Variants in HSPG2 observed in about 807,000 individuals in gnomAD.
HSPG2 encodes the protein basement membrane-specific heparan sulfate proteoglycan core protein.
Under a neutral mutation model 526.6 loss-of-function variants are expected in HSPG2, and 278 were observed. The ratio of observed to expected loss-of-function variants is 0.53; its 90% CI spans 0.48 to 0.58. The LOEUF (loss-of-function observed/expected upper bound fraction) is 0.58. Among genes scored for constraint, HSPG2 ranks in the 20% least tolerant of loss-of-function variants. The probability of loss-of-function intolerance (pLI) is 0.00; values close to 1 mark genes in which losing one functional copy is unlikely to be tolerated. For synonymous variants in HSPG2, 2,465 were observed against 2,555.4 expected (o/e 0.96, Z 1.07); for missense variants, 5,354 against 6,099.5 (o/e 0.88, Z 4.07).
At chr1:21,832,872 C>T in intron 80 of HSPG2, 2 of 580,800 alleles carry the variant, frequency 3.4e-6, no homozygotes, top group South Asian at 2.1e-5. Flanking sequence ...GGCAGAGACT[C>T]ACCCGAGTAG....
rs866719632 is a variant in HSPG2 at position 21,896,222 on chromosome 1, G to A, written c.152C>T (p.Ser51Leu). 9.3e-6 allele frequency: 15 copies of A among 1,613,916 alleles called. No individual in the cohort carries two copies. The highest frequency in any genetic ancestry group is 8.8e-5 in the South Asian group (8 of 91,064). ...CATGTCCTCATCATCAGAAAGGTAC[G>A]AATGTGTCCAGCGCATTTGGCTTGC... ...VTASQMRWTH[S>L]YLSDDEDMLA... The change falls in exon 2 of 97, where the codon TCG becomes TTG. Residue 51 changes from serine to leucine, a missense_variant. Coordinates refer to ENST00000374695, the MANE Select transcript of HSPG2 (RefSeq NM_005529.7).
chr1:21,858,699 T>C lies in HSPG2; in HGVS notation c.5293+867A>G, dbSNP rs976400387. ...ACCCCCCGTGCCCACCTGCCTGACT[T>C]CTGCCAGCCACTGCACTTCTTTGCA... is the stretch of plus-strand genomic sequence containing the variant. On this transcript the variant is annotated intron_variant, in intron 42 of 96. Coordinates refer to ENST00000374695, the MANE Select transcript of HSPG2 (RefSeq NM_005529.7). This position sits in a 1 kb window ranked among gnomAD's most constrained non-coding sequence, Gnocchi z 4.2. Among the ~76,000 whole-genome samples, 8 of 152,234 alleles carry C rather than the reference T, an allele frequency of 5.3e-5. No individual in the cohort carries two copies. The highest frequency in any genetic ancestry group is 2.6e-4 in the Admixed American group (4 of 15,284).
At chr1:21,834,081 C>T (rs995051187) in intron 77 of HSPG2, among the ~76,000 whole-genome samples, 156 bp from the exon 78 acceptor site, 4 of 152,198 alleles carry the variant, frequency 2.6e-5, no homozygotes, top group Admixed American at 6.5e-5. Context: ...AGGGGAAAAG[C>T]GGCTGTTTGC....
At position 21,836,908 on chromosome 1, in the gene HSPG2, C is replaced by T. The variant is rs369282867; in HGVS notation, c.10249G>A (p.Val3417Ile). The change falls in exon 75 of 97, where the codon GTT (valine) becomes ATT (isoleucine). Residue 3417 changes from valine (V) to isoleucine (I), a missense_variant. Physicochemically the swap from Val to Ile is conservative, Grantham distance 29 (BLOSUM62 3). Coordinates refer to ENST00000374695, the MANE Select transcript of HSPG2 (RefSeq NM_005529.7). ...CTGGGCACAGCACAGTGGAACTCAACGCTGGCCCCAATGCTCTTGGTCTCT... is the reference window on the plus strand; with the variant it reads ...CTGGGCACAGCACAGTGGAACTCAATGCTGGCCCCAATGCTCTTGGTCTCT... ...QLETKSIGAS[V>I]EFHCAVPSDR... 1.7e-5 allele frequency: 27 copies of T among 1,562,752 alleles called. No individual in the cohort carries two copies. The highest frequency in any genetic ancestry group is 4.8e-5 in the East Asian group (2 of 41,884).
In HSPG2 at chr1:21,844,208, C is replaced by A. The variant is rs757234038; in HGVS notation, c.8556G>T (p.Gly2852=). 1.5e-5 allele frequency: 25 copies of A among 1,613,674 alleles called. No individual in the cohort carries two copies. Among genetic ancestry groups the A allele is most frequent in the Non-Finnish European group, 8.5e-6 (10 of 1,180,032 alleles). ...GCCACGTGACCTGGGCGTGGGCCTG[C>A]CCGGGCACCACGCACTTCAGATCCA... is the stretch of plus-strand genomic sequence containing the variant. ...QTLDLKCVVP[G]QAHAQVTWHK... Residue 2852 remains glycine, a synonymous_variant, in exon 65 of 97, where the codon GGG becomes GGT. Coordinates refer to ENST00000374695, the MANE Select transcript of HSPG2 (RefSeq NM_005529.7).
intron 1 of HSPG2, among the ~76,000 whole-genome samples, chr1:21,901,857 G>A (rs759238584): frequency 8.5e-5 from 13 of 152,104 alleles, no homozygotes; most frequent in African/African-American, 1.4e-4. Flanking sequence ...CTGCCTCAGT[G>A]CCCCTTCCCC....
At chr1:21,827,533 T>G (rs2097981699) in intron 91 of HSPG2, among the ~76,000 whole-genome samples, 1 of 152,218 alleles carries the variant, frequency 6.6e-6, no homozygotes, top group Non-Finnish European at 1.5e-5. Flanking sequence ...CAGTAGACGG[T>G]GGAATTCTTG....
At chr1:21,919,753 G>A (rs770041285) in intron 1 of HSPG2, among the ~76,000 whole-genome samples, 1 of 152,192 alleles carries the variant, frequency 6.6e-6, no homozygotes, top group East Asian at 1.9e-4. Flanking sequence ...TTTCTGACAA[G>A]CTCCCAGTTG....
chr1:21,914,310 G>A (rs1216801238), intron 1 of HSPG2, among the ~76,000 whole-genome samples: 1 of 152,152 alleles, frequency 6.6e-6, no homozygotes, highest in African/African-American at 2.4e-5. Flanking sequence ...GGAGGGTGAT[G>A]CTGACAGAGC....
chr1:21,826,612 C>T (rs562436913), intron 91 of HSPG2, among the ~76,000 whole-genome samples: 8 of 151,972 alleles, frequency 5.3e-5, no homozygotes, highest in East Asian at 1.9e-4. Context: ...CAGGTTCAAG[C>T]GATTCTCCTG....
intron 91 of HSPG2, among the ~76,000 whole-genome samples, chr1:21,826,747 G>C (rs1208280030): frequency 1.3e-5 from 2 of 151,784 alleles, no homozygotes; most frequent in Non-Finnish European, 2.9e-5. Flanking sequence ...AACCTCAGGT[G>C]ATCTGCCCGC....
rs781013408 is a variant in HSPG2 at position 21,842,075 on chromosome 1, G to A, written c.9120C>T (p.Ser3040=). Reference sequence around the variant, plus strand: ...CCCCGTCATGGATGAGGCACTTGAAGCTGGCATCCTGGCCCTGCTGCACGG... The same window carrying A: ...CCCCGTCATGGATGAGGCACTTGAAACTGGCATCCTGGCCCTGCTGCACGG... The part of the protein sequence containing the change: ...SSTVQQGQDA[S]FKCLIHDGAA... Residue 3040 remains serine, a synonymous_variant, in exon 69 of 97, where the codon AGC becomes AGT. Transcript: ENST00000374695. 29 of 1,613,548 alleles carry A rather than the reference G, an allele frequency of 1.8e-5. No homozygotes were observed. The African/African-American group carries it at 3.1e-4, about 17-fold the overall frequency.
chr1:21,878,634 TC>T lies in HSPG2; in HGVS notation c.2500del (p.Asp834MetfsTer80). On this transcript the variant is annotated frameshift_variant, in exon 19 of 97. Coordinates refer to ENST00000374695, the MANE Select transcript of HSPG2 (RefSeq NM_005529.7). LOFTEE classifies it high-confidence loss of function. ...ACAGGCGTCACATGTGGCTTGGCCA[TC>T]CGTGTCCAGGAAGCAAGTGTCTGAG... ...RFSDTCFLDT[D>X]GQATCDACAP... 6.2e-7 allele frequency: 1 copy of T among 1,614,112 alleles called. No individual in the cohort carries two copies. The highest frequency in any genetic ancestry group is 8.5e-7 in the Non-Finnish European group (1 of 1,180,026).
At position 21,828,065 on chromosome 1, in the gene HSPG2, C is replaced by G; in HGVS notation, c.12497G>C (p.Cys4166Ser). The G allele has an allele frequency of 6.2e-7, 1 of 1,613,492 alleles. No individual in the cohort carries two copies. Among genetic ancestry groups the G allele is most frequent in the Non-Finnish European group, 8.5e-7 (1 of 1,179,984 alleles). The change falls in exon 90 of 97, where the codon TGC becomes TCC. Residue 4166 changes from cysteine (C) to serine (S), a missense_variant. Coordinates refer to ENST00000374695, the MANE Select transcript of HSPG2 (RefSeq NM_005529.7). The surrounding 1 kb of genome is among the most constrained non-coding windows in gnomAD (Gnocchi z 6.0). Reference protein sequence around the residue: ...GGTCQGTRCLCLPGFSGPRCQ... With the variant: ...GGTCQGTRCLSLPGFSGPRCQ... Reference sequence around the variant, plus strand: ...GCGTGGGCCAGAGAAGCCAGGGAGGCAGAGGCAGCGGGTGCCCTGGCAGGT... The same window carrying G: ...GCGTGGGCCAGAGAAGCCAGGGAGGGAGAGGCAGCGGGTGCCCTGGCAGGT...
intron 1 of HSPG2, among the ~76,000 whole-genome samples, chr1:21,916,835 T>C (rs568421678): frequency 6.6e-6 from 1 of 152,328 alleles, no homozygotes; most frequent in Non-Finnish European, 1.5e-5. Flanking sequence ...AGGCTGGAGA[T>C]GGAGCTATCT....
rs761327889 is a variant in HSPG2, at chr1:21,839,431, T to C, written c.9829A>G (p.Ile3277Val). 24 of 1,614,014 alleles carry C rather than the reference T, an allele frequency of 1.5e-5. No homozygotes were observed. The highest frequency in any genetic ancestry group is 1.9e-5 in the Non-Finnish European group (23 of 1,179,984). Residue 3277 changes from isoleucine (I) to valine (V), a missense_variant, in exon 73 of 97, where the codon ATC becomes GTC. Physicochemically the swap from Ile to Val is conservative, Grantham distance 29. Transcript: ENST00000374695. This position sits in a 1 kb window ranked among gnomAD's most constrained non-coding sequence, Gnocchi z 4.5. Reference protein sequence around the residue: ...RVAQQDSGQYICNATSPAGHA... With the variant: ...RVAQQDSGQYVCNATSPAGHA... ...CCAGCAGGGCTAGTGGCATTGCAGA[T>C]GTACTGGCCCGAGTCCTGCTGGGCT...
intron 77 of HSPG2, among the ~76,000 whole-genome samples, 155 bp downstream of exon 77, chr1:21,834,524 G>C (rs1342618035): frequency 2.0e-5 from 3 of 152,130 alleles, no homozygotes; most frequent in Non-Finnish European, 4.4e-5. Context: ...CCCTGCTGCT[G>C]CCACCTGTTA....
rs1441182199 is a variant in HSPG2 at position 21,859,936 on chromosome 1, T to A, written c.5081A>T (p.His1694Leu). The stretch of plus-strand genomic sequence containing the variant: ...CCCACTGACCTGACACCGCAGGGAG[T>A]GGGAGCCACCTTGGGGCACTATGCT... The part of the protein sequence containing the change: ...ARSIVPQGGS[H>L]SLRCQVSGSP... Residue 1694 changes from histidine to leucine, a missense_variant, in exon 41 of 97, where the codon CAC becomes CTC. Transcript: ENST00000374695. The surrounding 1 kb of genome is among the most constrained non-coding windows in gnomAD (Gnocchi z 5.3). 6.2e-7 allele frequency: 1 copy of A among 1,610,164 alleles called. No individual in the cohort carries two copies. Among genetic ancestry groups the A allele is most frequent in the East Asian group, 2.2e-5 (1 of 44,796 alleles).
In HSPG2 at chr1:21,879,140, T is replaced by A; in HGVS notation, c.2344-19A>T. 6.2e-7 allele frequency: 1 copy of A among 1,613,896 alleles called. No homozygotes were observed. The highest frequency in any genetic ancestry group is 8.5e-7 in the Non-Finnish European group (1 of 1,179,932). ...GGCAATTCTAGAAGAAGGAGGAGGGTATGGCTCAACTTCTAGAGCAGAACT... is the reference window on the plus strand; with the variant it reads ...GGCAATTCTAGAAGAAGGAGGAGGGAATGGCTCAACTTCTAGAGCAGAACT... On this transcript the variant is annotated intron_variant, in intron 17 of 96. Transcript: ENST00000374695.
Sources: allele counts gnomAD v4.1 joint callset (sites outside exome capture counted in the v4.1 genomes callset), GRCh38; gene constraint gnomAD v4.1.1; non-coding constraint Gnocchi (gnomAD v3.1); transcripts MANE v1.5; gene names NCBI Gene and HGNC (gene_info 2026-07-23, HGNC 2026-07-21).